GNAS: variants seen among roughly 807,000 people sequenced by gnomAD.
GNAS encodes GNAS complex locus, also known as protein ALEX.
A neutral mutation model predicts 54.5 loss-of-function variants in GNAS; 8 were observed. The observed-to-expected ratio is 0.15, with a 90% CI of 0.09 to 0.26. The LOEUF is 0.26. Among genes scored for constraint, GNAS ranks in the 10% least tolerant of loss-of-function variants. GNAS has a pLI of 1.00. For missense variants in GNAS, 170 were observed against 529.8 expected (o/e 0.32, Z 6.67); for synonymous variants, 204 against 191.4 (o/e 1.07, Z -0.54).
chr20:58,884,816 G>A (rs559487587), intron 1 of GNAS: 1 of 152,288 alleles, frequency 6.6e-6, no homozygotes, highest in Non-Finnish European at 1.5e-5. Context: ...CATTAAGTGG[G>A]TCCATTGATC....
At chr20:58,862,560 T>G (rs1045671121) in intron 1 of GNAS, among the ~76,000 whole-genome samples, 6 of 142,676 alleles carry the variant, frequency 4.2e-5, no homozygotes, top group Non-Finnish European at 6.3e-5. Flanking sequence ...TGTTGCTGGG[T>G]TTTTTTTTTG....
intron 1 of GNAS, among the ~76,000 whole-genome samples, chr20:58,859,280 A>G (rs181214875): frequency 1.1e-4 from 16 of 152,334 alleles, no homozygotes; most frequent in Admixed American, 9.2e-4. Context: ...TGCTCACTGC[A>G]ACCTCTGCCT....
At chr20:58,899,524 C>G (rs1229122605) in intron 3 of GNAS, 1 of 546,902 alleles carries the variant, frequency 1.8e-6, no homozygotes, top group East Asian at 4.9e-5. Context: ...TAAAAATGAT[C>G]AAATTTATTT....
At chr20:58,897,970 T>C (rs1200789348) in intron 2 of GNAS, 1 of 152,266 alleles carries the variant, frequency 6.6e-6, no homozygotes, top group Non-Finnish European at 1.5e-5. Flanking sequence ...TCGGCTGAGC[T>C]ATTAAATTTG....
In GNAS at chr20:58,891,536, C is replaced by A; in HGVS notation, c.-191C>A. The A allele has an allele frequency of 1.0e-6, 1 of 976,060 alleles. No homozygotes were observed. Among genetic ancestry groups the A allele is most frequent in the South Asian group, 4.6e-5 (1 of 21,648 alleles). The allele number at this position is 976,060 out of a possible 1,614,324, so 60.5% of individuals were successfully genotyped here. A position where few individuals can be genotyped will look rare whatever the true frequency, so the allele number is the denominator to read the frequency against. On this transcript the variant is annotated 5_prime_UTR_variant, in exon 1 of 13. Coordinates refer to ENST00000371085, the MANE Select transcript of GNAS (RefSeq NM_000516.7). ...CGCGCCCCTCGGTCCGACCGACACC[C>A]TCCCCTTCCCGCCCGTCCGCGCGCC...
intron 1 of GNAS, chr20:58,892,165 C>T (rs575677348): frequency 3.7e-5 from 36 of 967,286 alleles, no homozygotes; most frequent in South Asian, 3.4e-4. Context: ...CTCTTTCTCT[C>T]TTTCTCTCTT....
chr20:58,853,359 G>A lies in GNAS; in HGVS notation c.43+12473G>A, dbSNP rs2086261123. 1.9e-6 allele frequency: 3 copies of A among 1,552,744 alleles called. No homozygotes were observed. The highest frequency in any genetic ancestry group is 1.7e-6 in the Non-Finnish European group (2 of 1,148,204). On this transcript the variant is annotated intron_variant, in intron 1 of 12. Transcript: ENST00000306090. The surrounding 1 kb of genome is among the most constrained non-coding windows in gnomAD (Gnocchi z 4.4). ...GGAACAGCCCGAGCAACCACCTTTG[G>A]AGGCCCCAGGGGCAGCTGCCCCCGG...
chr20:58,892,515 G>A (rs1478289737), intron 1 of GNAS: 1 of 144,180 alleles, frequency 6.9e-6, no homozygotes, highest in African/African-American at 2.6e-5. Flanking sequence ...CGGTAAAGGT[G>A]GTGCAGTGGG....
intron 2 of GNAS, 103 bp from the exon 3 acceptor site, chr20:58,898,838 T>G: frequency 9.5e-7 from 1 of 1,058,128 alleles, no homozygotes; most frequent in Non-Finnish European, 1.5e-6. Flanking sequence ...ATTGTTGCTT[T>G]TGCTCTTGGC....
At position 58,843,692 on chromosome 20, in the gene GNAS, G is replaced by A. The variant is rs146043820; in HGVS notation, c.43+2806G>A. Among the ~76,000 whole-genome samples the A allele has an allele frequency of 5.3e-4, 81 of 152,306 alleles. 2 individuals are homozygous for A. The highest frequency in any genetic ancestry group is 5.1e-3 in the Admixed American group (78 of 15,300). On this transcript the variant is annotated intron_variant, in intron 1 of 12. Coordinates refer to the GNAS transcript ENST00000306090. ...GAGAATAAAGCTAGCTAAACATGAT[G>A]ATATGCCCCCAATATTGAAGTTGTT...
chr20:58,896,276 C>T (rs2090042704), intron 2 of GNAS, among the ~76,000 whole-genome samples: 1 of 151,702 alleles, frequency 6.6e-6, no homozygotes, highest in Non-Finnish European at 1.5e-5. Flanking sequence ...ATCATTGTTT[C>T]CCTTTAAAAC....
At chr20:58,892,074 C>A in intron 1 of GNAS, 3 of 958,834 alleles carry the variant, frequency 3.1e-6, no homozygotes, top group Non-Finnish European at 3.7e-6. Context: ...GGGCGGGGGG[C>A]CGTGGCGACG....
In GNAS at chr20:58,909,837, GCCCA is replaced by G. The variant is rs778587362; in HGVS notation, c.839+34_839+37del. 3 of 1,612,708 alleles carry G rather than the reference GCCCA, an allele frequency of 1.9e-6. No homozygotes were observed. Among genetic ancestry groups the G allele is most frequent in the South Asian group, 2.2e-5 (2 of 91,044 alleles). ...GAGTGACCGCCCACCCCCTGCGCTTGCCCAGGAGGCCCTGGTCTGCACTGTTTAT... is the reference window on the plus strand; with the variant it reads ...GAGTGACCGCCCACCCCCTGCGCTTGGGAGGCCCTGGTCTGCACTGTTTAT... On this transcript the variant is annotated intron_variant, in intron 10 of 12. Transcript: ENST00000371085. This position sits in a 1 kb window ranked among gnomAD's most constrained non-coding sequence, Gnocchi z 7.3.
Position 58,847,757 on chromosome 20 carries a change from C to T in GNAS, c.43+6871C>T, listed in dbSNP as rs1260250866. On this transcript the variant is annotated intron_variant, in intron 1 of 12. Coordinates refer to the GNAS transcript ENST00000306090. Reference sequence around the variant, plus strand: ...TGTTCCCTTCCCTTTCACCCACCTCCCTTCCCTCTCTCTACTTTGCCTTCT... The same window carrying T: ...TGTTCCCTTCCCTTTCACCCACCTCTCTTCCCTCTCTCTACTTTGCCTTCT... 2.6e-5 allele frequency among the ~76,000 whole-genome samples: 4 copies of T among 152,320 alleles called. No individual in the cohort carries two copies. The East Asian group carries it at 7.7e-4, about 29-fold the overall frequency.
intron 1 of GNAS, among the ~76,000 whole-genome samples, chr20:58,868,404 T>G (rs911746031): frequency 2.6e-5 from 4 of 152,078 alleles, no homozygotes; most frequent in African/African-American, 9.7e-5. Context: ...TCCGCCCACC[T>G]TGGCCTCCCA....
chr20:58,900,619 C>A (rs972733000), intron 3 of GNAS, among the ~76,000 whole-genome samples: 2 of 152,202 alleles, frequency 1.3e-5, no homozygotes, highest in Non-Finnish European at 2.9e-5. Flanking sequence ...CCTAAAAGTA[C>A]TTCCAGCCTT....
chr20:58,881,032 TGC>T (rs1398857337), intron 1 of GNAS, among the ~76,000 whole-genome samples: 1 of 152,256 alleles, frequency 6.6e-6, no homozygotes, highest in Non-Finnish European at 1.5e-5. Context: ...TTGGGGATTA[TGC>T]CAGTCAACAT....
chr20:58,875,641 A>G (rs1420536167), intron 1 of GNAS, among the ~76,000 whole-genome samples: 1 of 152,186 alleles, frequency 6.6e-6, no homozygotes, highest in Non-Finnish European at 1.5e-5. Context: ...CAGATCTCCA[A>G]GTAGCAGCAT....
chr20:58,890,674 C>A (rs1275554428), upstream of GNAS: 1 of 151,792 alleles, frequency 6.6e-6, no homozygotes, highest in African/African-American at 2.4e-5. Flanking sequence ...CGCTCCGGGG[C>A]CAGAGGCGCC....
Sources: gnomAD v4.1 joint callset for allele counts (sites outside exome capture counted in the v4.1 genomes callset) on GRCh38, gnomAD v4.1.1 for gene constraint, Gnocchi (gnomAD v3.1) non-coding constraint, MANE v1.5 for transcripts, NCBI Gene and HGNC (gene_info 2026-07-23, HGNC 2026-07-21) for gene names.